The following NET1 variants were observed in gnomAD, a reference collection of about 807,000 sequenced individuals.
NET1 encodes the protein neuroepithelial cell transforming 1.
A neutral mutation model predicts 61.1 loss-of-function variants in NET1; 42 were observed. That is an observed-to-expected ratio of 0.69 (90% CI 0.54 to 0.89). The LOEUF (loss-of-function observed/expected upper bound fraction) is 0.89, where lower values mean the gene tolerates loss of function less well. Among genes scored for constraint, NET1 ranks in the 40% least tolerant of loss-of-function variants. The pLI, the probability that NET1 is intolerant of heterozygous loss-of-function variation, is 0.00. For missense variants in NET1, 654 were observed against 747.3 expected (o/e 0.88, Z 1.46); for synonymous variants, 254 against 281.8 (o/e 0.90, Z 0.99).
chr10:5,446,590 C>G lies in NET1; in HGVS notation c.256-5240C>G, dbSNP rs1350669567. The G allele has an allele frequency of 1.1e-5, 13 of 1,202,402 alleles. No homozygotes were observed. Among genetic ancestry groups the G allele is most frequent in the Non-Finnish European group, 1.3e-5 (13 of 967,300 alleles). 74.5% of individuals were successfully genotyped at this position (1,202,402 alleles called of 1,614,324 possible). On this transcript the variant is annotated intron_variant, in intron 3 of 11. Coordinates refer to ENST00000355029, the MANE Select transcript of NET1 (RefSeq NM_001047160.3). This position sits in a 1 kb window ranked among gnomAD's most constrained non-coding sequence, Gnocchi z 5.0. ...CCGCCCCCGAGCCCTGGGGTCGGTG[C>G]TTGCTGCCTGCGGCTCTCAGAAGCC...
rs1250476469 is a variant in NET1, at chr10:5,455,442, T to C, written c.1197+324T>C. On this transcript the variant is annotated intron_variant, in intron 10 of 11. Coordinates refer to ENST00000355029, the MANE Select transcript of NET1 (RefSeq NM_001047160.3). This position sits in a 1 kb window ranked among gnomAD's most constrained non-coding sequence, Gnocchi z 6.5. ...AAAAAAAACTTCTAAGAGTTTATCTTATGCTTATGAAAGTGGTTTTTCGCA... is the reference window on the plus strand; with the variant it reads ...AAAAAAAACTTCTAAGAGTTTATCTCATGCTTATGAAAGTGGTTTTTCGCA... Among the ~76,000 whole-genome samples the C allele has an allele frequency of 6.6e-6, 1 of 152,232 alleles. No homozygotes were observed. The highest frequency in any genetic ancestry group is 1.5e-5 in the Non-Finnish European group (1 of 68,036).
At position 5,424,650 on chromosome 10, in the gene NET1, TC is replaced by T. The variant is rs1170438389; in HGVS notation, c.129-2003del. Among the ~76,000 whole-genome samples the T allele has an allele frequency of 2.0e-5, 3 of 152,180 alleles. No homozygotes were observed. The highest frequency in any genetic ancestry group is 2.9e-5 in the Non-Finnish European group (2 of 68,022). ...ATAGTTTGAGCTCCATGAGTAGTCT[TC>T]CTGTGTTTTGATCTTCTCCAAATAA... On this transcript the variant is annotated intron_variant, in intron 1 of 11. Transcript: ENST00000355029. This position sits in a 1 kb window ranked among gnomAD's most constrained non-coding sequence, Gnocchi z 6.1.
In NET1 at chr10:5,431,538, C is replaced by A. The variant is rs1024047867; in HGVS notation, c.255+2309C>A. Among the ~76,000 whole-genome samples, 1 of 151,916 alleles carries A rather than the reference C, an allele frequency of 6.6e-6. No individual in the cohort carries two copies. Among genetic ancestry groups the A allele is most frequent in the African/African-American group, 2.4e-5 (1 of 41,340 alleles). ...TCTTTATCAGACCTCTGTTTATTAA[C>A]TGGAATACATCTGTAAAGAGAAAAT... is the stretch of plus-strand genomic sequence containing the variant. On this transcript the variant is annotated intron_variant, in intron 3 of 11. Coordinates refer to ENST00000355029, the MANE Select transcript of NET1 (RefSeq NM_001047160.3). The surrounding 1 kb of genome is among the most constrained non-coding windows in gnomAD (Gnocchi z 4.9).
rs1445696184 is a variant in NET1, at chr10:5,440,757, C to A, written c.256-11073C>A. Among the ~76,000 whole-genome samples, 1 of 152,188 alleles carries A rather than the reference C, an allele frequency of 6.6e-6. No individual in the cohort carries two copies. Among genetic ancestry groups the A allele is most frequent in the Non-Finnish European group, 1.5e-5 (1 of 68,034 alleles). On this transcript the variant is annotated intron_variant, in intron 3 of 11. Transcript: ENST00000355029. The surrounding 1 kb of genome is among the most constrained non-coding windows in gnomAD (Gnocchi z 4.1). ...AAGCCAGTAAACACTACAATCATTA[C>A]AATTACCACTGCCCCTCTCTTGTTC...
At chr10:5,450,431 TA>T (rs1006327887) in intron 3 of NET1, among the ~76,000 whole-genome samples, 2 of 151,924 alleles carry the variant, frequency 1.3e-5, no homozygotes, top group African/African-American at 4.8e-5. Flanking sequence ...AATAATTAAT[TA>T]AAAAAAATTT....
In NET1 at chr10:5,416,670, T is replaced by C. The variant is rs143370458; in HGVS notation, c.128+3850T>C. Among the ~76,000 whole-genome samples the C allele has an allele frequency of 1.9e-3, 286 of 152,356 alleles. No homozygotes were observed. Among genetic ancestry groups the C allele is most frequent in the African/African-American group, 6.5e-3 (272 of 41,588 alleles). ...TTTGATGCAGTTGTAAATGGATTCA[T>C]TTCTTTTGAAATGGGAAAAGTTCCC... On this transcript the variant is annotated intron_variant, in intron 1 of 11. Coordinates refer to ENST00000355029, the MANE Select transcript of NET1 (RefSeq NM_001047160.3). The surrounding 1 kb of genome is among the most constrained non-coding windows in gnomAD (Gnocchi z 6.1).
intron 3 of NET1, among the ~76,000 whole-genome samples, chr10:5,433,347 G>A (rs1384542018): frequency 6.6e-6 from 1 of 152,158 alleles, no homozygotes; most frequent in Non-Finnish European, 1.5e-5. Context: ...TCTATGTTTT[G>A]TTTATAGCTG....
chr10:5,418,055 T>C (rs1832110443), intron 1 of NET1, among the ~76,000 whole-genome samples: 1 of 152,168 alleles, frequency 6.6e-6, no homozygotes, highest in South Asian at 2.1e-4. Context: ...ATCCATTTTG[T>C]TAATATTTTG....
chr10:5,414,832 T>C (rs1429242430), intron 1 of NET1, among the ~76,000 whole-genome samples: 2 of 152,092 alleles, frequency 1.3e-5, no homozygotes, highest in African/African-American at 2.4e-5. Flanking sequence ...CAAGAAGCTA[T>C]GGATGATATA....
chr10:5,457,722 G>GTA lies in NET1; in HGVS notation c.*729_*730insAT, dbSNP rs1285065545. On this transcript the variant is annotated 3_prime_UTR_variant, in exon 12 of 12. Coordinates refer to ENST00000355029, the MANE Select transcript of NET1 (RefSeq NM_001047160.3). The surrounding 1 kb of genome is among the most constrained non-coding windows in gnomAD (Gnocchi z 5.4). ...TAAAAATGTGTGTGTATGTGTGTGTGTGTGTGTATATATATATATATTTTT... is the reference window on the plus strand; with the variant it reads ...TAAAAATGTGTGTGTATGTGTGTGTGTATGTGTGTATATATATATATATTTTT... The GTA allele has an allele frequency of 1.3e-5, 2 of 152,384 alleles. No individual in the cohort carries two copies. The highest frequency in any genetic ancestry group is 2.9e-5 in the Non-Finnish European group (2 of 67,970). The allele number at this position is 152,384 out of a possible 1,614,324, so 9.4% of individuals were successfully genotyped here. A position where few individuals can be genotyped will look rare whatever the true frequency, so the allele number is the denominator to read the frequency against.
intron 3 of NET1, among the ~76,000 whole-genome samples, chr10:5,436,248 A>ATATATATTTTT (rs1564462826): frequency 1.6e-4 from 3 of 18,416 alleles, no homozygotes; most frequent in Non-Finnish European, 2.8e-4. Context: ...ATATATATAT[A>ATATATATTTTT]TTTTTTTTTT....
Position 5,456,140 on chromosome 10 carries a change from A to G in NET1, c.1251A>G (p.Thr417=). The G allele has an allele frequency of 6.2e-7, 1 of 1,614,154 alleles. No homozygotes were observed. Among genetic ancestry groups the G allele is most frequent in the South Asian group, 1.1e-5 (1 of 91,078 alleles). The stretch of plus-strand genomic sequence containing the variant: ...TCTTGGTTCTGACTCGGCCCGTCAC[A>G]CGGAACGAACGGCACTCTTACCAGG... ...QDILVLTRPV[T]RNERHSYQVY... Residue 417 remains threonine (T), a synonymous_variant, in exon 11 of 12, where the codon ACA becomes ACG. Coordinates refer to ENST00000355029, the MANE Select transcript of NET1 (RefSeq NM_001047160.3). This position sits in a 1 kb window ranked among gnomAD's most constrained non-coding sequence, Gnocchi z 7.0.
rs1832219616 is a variant in NET1, at chr10:5,423,875, TTTG to T, written c.129-2777_129-2775del. On this transcript the variant is annotated intron_variant, in intron 1 of 11. Transcript: ENST00000355029. The surrounding 1 kb of genome is among the most constrained non-coding windows in gnomAD (Gnocchi z 4.4). ...TGTCTCACATCCTTTGTGGGCACGG[TTTG>T]TTTTTTGGGTTCCTTTTTTCCATGG... 6.6e-6 allele frequency among the ~76,000 whole-genome samples: 1 copy of T among 151,602 alleles called. No individual in the cohort carries two copies. Among genetic ancestry groups the T allele is most frequent in the Non-Finnish European group, 1.5e-5 (1 of 68,012 alleles).
Position 5,458,561 on chromosome 10 carries a change from G to C in NET1, c.*1567G>C, listed in dbSNP as rs967443312. 6.6e-6 allele frequency: 1 copy of C among 152,592 alleles called. No homozygotes were observed. The highest frequency in any genetic ancestry group is 2.4e-5 in the African/African-American group (1 of 41,430). The allele number at this position is 152,592 out of a possible 1,614,324, so 9.5% of individuals were successfully genotyped here. A position where few individuals can be genotyped will look rare whatever the true frequency, so the allele number is the denominator to read the frequency against. On this transcript the variant is annotated 3_prime_UTR_variant, in exon 12 of 12. Transcript: ENST00000355029. This position sits in a 1 kb window ranked among gnomAD's most constrained non-coding sequence, Gnocchi z 4.5. Reference sequence around the variant, plus strand: ...GTAGTGGTAAGCCTCATAAAAGTTAGTAAAAATTGTAGTTCAACCTTTGAA... The same window carrying C: ...GTAGTGGTAAGCCTCATAAAAGTTACTAAAAATTGTAGTTCAACCTTTGAA...
At chr10:5,430,399 G>C (rs1164169382) in intron 3 of NET1, among the ~76,000 whole-genome samples, 2 of 149,460 alleles carry the variant, frequency 1.3e-5, no homozygotes, top group Non-Finnish European at 3.0e-5. Context: ...TTTTGAGGCG[G>C]AGTCTCGCTC....
rs1009144003 is a variant in NET1 at position 5,458,881 on chromosome 10, T to C, written c.*1887T>C. 1.3e-5 allele frequency among the ~76,000 whole-genome samples: 2 copies of C among 152,202 alleles called. No homozygotes were observed. Among genetic ancestry groups the C allele is most frequent in the African/African-American group, 2.4e-5 (1 of 41,454 alleles). On this transcript the variant is annotated 3_prime_UTR_variant, in exon 12 of 12. Transcript: ENST00000355029. This position sits in a 1 kb window ranked among gnomAD's most constrained non-coding sequence, Gnocchi z 4.5. ...TCATTTCCAGAGGTGTTGTATAGAA[T>C]AGTTATTCCAGAGTTACCTTGATCA...
At position 5,446,817 on chromosome 10, in the gene NET1, C is replaced by T. The variant is rs533278110; in HGVS notation, c.256-5013C>T. ...TCTCCTACCTATTAAAAGGACCATA[C>T]GAGTCCTAGATGTCAATAACCAGTC... On this transcript the variant is annotated intron_variant, in intron 3 of 11. Transcript: ENST00000355029. The surrounding 1 kb of genome is among the most constrained non-coding windows in gnomAD (Gnocchi z 5.0). 3.7e-6 allele frequency: 6 copies of T among 1,611,530 alleles called. No homozygotes were observed. The East Asian group carries it at 6.7e-5, about 18-fold the overall frequency.
In NET1 at chr10:5,456,810, G is replaced by A. The variant is rs201555159; in HGVS notation, c.1607G>A (p.Arg536Lys). Residue 536 changes from arginine to lysine, a missense_variant, in exon 12 of 12, where the codon AGG (arginine) becomes AAG (lysine). Arg to Lys is a conservative substitution (Grantham distance 26). Coordinates refer to ENST00000355029, the MANE Select transcript of NET1 (RefSeq NM_001047160.3). This position sits in a 1 kb window ranked among gnomAD's most constrained non-coding sequence, Gnocchi z 7.0. ...TCTGCGAGGAAACTCACAGCCCAGAGGAGGGCATCCACAGTTTCCAGTGTT... is the reference window on the plus strand; with the variant it reads ...TCTGCGAGGAAACTCACAGCCCAGAAGAGGGCATCCACAGTTTCCAGTGTT... ...HPSARKLTAQ[R>K]RASTVSSVTQ... 3.1e-6 allele frequency: 5 copies of A among 1,613,756 alleles called. No homozygotes were observed. The Admixed American group carries it at 8.3e-5, about 27-fold the overall frequency.
In NET1 at chr10:5,443,375, GATA is replaced by G. The variant is rs1056029302; in HGVS notation, c.256-8450_256-8448del. Reference sequence around the variant, plus strand: ...TAAAGCTCTAGCACAAAGTAATTGAGATAATAAGTACTTCATAGAGTTGATTAA... The same window carrying G: ...TAAAGCTCTAGCACAAAGTAATTGAGATAAGTACTTCATAGAGTTGATTAA... On this transcript the variant is annotated intron_variant, in intron 3 of 11. Transcript: ENST00000355029. This position sits in a 1 kb window ranked among gnomAD's most constrained non-coding sequence, Gnocchi z 4.8. Among the ~76,000 whole-genome samples, 6 of 152,218 alleles carry G rather than the reference GATA, an allele frequency of 3.9e-5. No individual in the cohort carries two copies. Among genetic ancestry groups the G allele is most frequent in the Admixed American group, 1.3e-4 (2 of 15,288 alleles).
Sources: gnomAD v4.1 joint callset for allele counts (sites outside exome capture counted in the v4.1 genomes callset) on GRCh38, gnomAD v4.1.1 for gene constraint, Gnocchi (gnomAD v3.1) non-coding constraint, MANE v1.5 for transcripts, NCBI Gene and HGNC (gene_info 2026-07-23, HGNC 2026-07-21) for gene names.